Variants in ZNF649 observed in about 807,000 individuals in gnomAD.
The protein encoded by ZNF649 is zinc finger protein 649.
ZNF649 carries 7 observed loss-of-function variants against 14.1 expected under a neutral mutation model. The ratio of observed to expected loss-of-function variants is 0.49; its 90% CI spans 0.28 to 0.93. ZNF649 has a LOEUF of 0.93. ZNF649 is among the 40% of genes least tolerant of loss of function. The probability of loss-of-function intolerance (pLI) is 0.10; values close to 1 mark genes in which losing one functional copy is unlikely to be tolerated. For missense variants in ZNF649, 544 were observed against 608.1 expected (o/e 0.89, Z 1.11); for synonymous variants, 227 against 212.3 (o/e 1.07, Z -0.60).
intron 2 of ZNF649, among the ~76,000 whole-genome samples, chr19:51,898,492 T>G (rs1006630728): frequency 2.6e-5 from 4 of 151,944 alleles, no homozygotes; most frequent in African/African-American, 9.7e-5. Flanking sequence ...GTCCAAAGGG[T>G]GCCAAGCACA....
intron 1 of ZNF649, among the ~76,000 whole-genome samples, chr19:51,903,802 G>C (rs1024864312): frequency 1.3e-5 from 2 of 152,212 alleles, no homozygotes; most frequent in African/African-American, 4.8e-5. Context: ...CTGGACAACA[G>C]AGCTAGATTC....
rs1910528925 is a variant in ZNF649 at position 51,890,058 on chromosome 19, A to G, written c.*560T>C. ...GATAAATAAAGATATGAAAGATATA[A>G]CAGGGAAAAACCCATGTCAAATTAT... On this transcript the variant is annotated 3_prime_UTR_variant, in exon 5 of 5. Coordinates refer to ENST00000354957, the MANE Select transcript of ZNF649 (RefSeq NM_023074.4). The G allele has an allele frequency of 6.6e-6, 1 of 152,372 alleles. No homozygotes were observed. The highest frequency in any genetic ancestry group is 6.5e-5 in the Admixed American group (1 of 15,286). 9.4% of individuals were successfully genotyped at this position (152,372 alleles called of 1,614,324 possible).
rs771974949 is a variant in ZNF649, at chr19:51,900,112, TTC to T, written c.-7_-6del. ...AGTTACCTGGGCCTTTGTCATTTTC[TTC>T]TGTTTCAGGAAATACCCAAGAACTG... On this transcript the variant is annotated 5_prime_UTR_variant, in exon 2 of 5. Coordinates refer to ENST00000354957, the MANE Select transcript of ZNF649 (RefSeq NM_023074.4). 6.6e-7 allele frequency: 1 copy of T among 1,513,774 alleles called. No homozygotes were observed. Among genetic ancestry groups the T allele is most frequent in the Admixed American group, 2.0e-5 (1 of 49,398 alleles). 93.8% of individuals were successfully genotyped at this position (1,513,774 alleles called of 1,614,324 possible). A position where few individuals can be genotyped will look rare whatever the true frequency, so the allele number is the denominator to read the frequency against.
rs1475109742 is a variant in ZNF649 at position 51,900,262 on chromosome 19, A to G, written c.-155T>C. On this transcript the variant is annotated 5_prime_UTR_variant, in exon 2 of 5. The change abolishes an upstream ATG in the 5' untranslated region. Transcript: ENST00000354957. ...CATCCAGGAACCTCCTCCTTCCTTC[A>G]TTTGAACTCTCTTGCTTCTGGGGAG... 12 of 559,788 alleles carry G rather than the reference A, an allele frequency of 2.1e-5. No homozygotes were observed. The allele number at this position is 559,788 out of a possible 1,614,324, so 34.7% of individuals were successfully genotyped here.
intron 2 of ZNF649, among the ~76,000 whole-genome samples, chr19:51,898,028 GCAGAGGTTGCAGTGA>G (rs2085073510): frequency 6.7e-6 from 1 of 149,514 alleles, no homozygotes; most frequent in Non-Finnish European, 1.5e-5. Context: ...AACCCAGGAT[GCAGAGGTTGCAGTGA>G]GCGAAGATCA....
chr19:51,894,164 G>A (rs1197853378), intron 4 of ZNF649, among the ~76,000 whole-genome samples: 5 of 149,920 alleles, frequency 3.3e-5, no homozygotes, highest in Admixed American at 3.3e-4. Context: ...ATGGAGTCTT[G>A]CTCTGTCACC....
Position 51,901,800 on chromosome 19 carries a change from A to C in ZNF649, c.-187-1506T>G, listed in dbSNP as rs184394163. Among the ~76,000 whole-genome samples, 3 of 152,078 alleles carry C rather than the reference A, an allele frequency of 2.0e-5. No individual in the cohort carries two copies. In the East Asian group the frequency reaches 5.8e-4, roughly 29 times the overall value. ...TCTATAAAACATACAAAAATTATTC[A>C]AGCATGGTGGCACATGCCTGTATTC... On this transcript the variant is annotated intron_variant, in intron 1 of 4. Transcript: ENST00000354957.
chr19:51,903,500 G>A (rs1007102011), intron 1 of ZNF649, among the ~76,000 whole-genome samples: 1 of 152,134 alleles, frequency 6.6e-6, no homozygotes, highest in African/African-American at 2.4e-5. Flanking sequence ...ACAGGACAAA[G>A]ATCGATTATA....
intron 1 of ZNF649, among the ~76,000 whole-genome samples, chr19:51,900,947 G>T (rs900218570): frequency 2.0e-5 from 3 of 152,150 alleles, no homozygotes; most frequent in African/African-American, 7.2e-5. Flanking sequence ...TATATTCATG[G>T]CAACCACTTA....
At chr19:51,901,660 T>TA (rs60007447) in intron 1 of ZNF649, among the ~76,000 whole-genome samples, 6,853 of 149,940 alleles carry the variant, frequency 0.046, 524 homozygotes, top group African/African-American at 0.16. Flanking sequence ...AATAAAAAAA[T>TA]AAAAAAAAAT....
At chr19:51,898,561 G>A (rs904858366) in intron 2 of ZNF649, among the ~76,000 whole-genome samples, 3 of 152,028 alleles carry the variant, frequency 2.0e-5, no homozygotes, top group African/African-American at 4.8e-5. Flanking sequence ...ACTTCCACAT[G>A]TGATCTCCAA....
intron 4 of ZNF649, among the ~76,000 whole-genome samples, chr19:51,894,176 AG>A (rs2122761311): frequency 6.6e-6 from 1 of 151,464 alleles, no homozygotes; most frequent in Non-Finnish European, 1.5e-5. Flanking sequence ...TCTGTCACCC[AG>A]GCTGGAGTAC....
In ZNF649 at chr19:51,891,248, C is replaced by G. The variant is rs1321886239; in HGVS notation, c.888G>C (p.Gly296=). The change falls in exon 5 of 5, where the codon GGG becomes GGC. Residue 296 remains glycine, a synonymous_variant. Coordinates refer to ENST00000354957, the MANE Select transcript of ZNF649 (RefSeq NM_023074.4). The surrounding 1 kb of genome is among the most constrained non-coding windows in gnomAD (Gnocchi z 4.2). The stretch of plus-strand genomic sequence containing the variant: ...GTAGTGATTTTCTGGAGAAAGCTCT[C>G]CCACATTCGCTGCATTGATGGGGCT... ...GIKPHQCSEC[G]RAFSRKSLLV... The G allele has an allele frequency of 1.4e-5, 23 of 1,614,112 alleles. No homozygotes were observed. The highest frequency in any genetic ancestry group is 1.9e-5 in the Non-Finnish European group (23 of 1,180,048).
intron 2 of ZNF649, among the ~76,000 whole-genome samples, chr19:51,898,504 G>A (rs1206198027): frequency 6.6e-6 from 1 of 152,146 alleles, no homozygotes; most frequent in Non-Finnish European, 1.5e-5. Flanking sequence ...CCAAGCACAG[G>A]AGCCTCTGAT....
In ZNF649 at chr19:51,891,019, G is replaced by C; in HGVS notation, c.1117C>G (p.Pro373Ala). 6.2e-7 allele frequency: 1 copy of C among 1,614,166 alleles called. No individual in the cohort carries two copies. Among genetic ancestry groups the C allele is most frequent in the Non-Finnish European group, 8.5e-7 (1 of 1,180,030 alleles). ...TGCCCACATTCAGGACATACAAAGG[G>C]AGTCTTTCCTGTATGATATCTCTGA... ...AHQRYHTGKTPFVCPECGQPC... is the reference protein window; with the variant it reads ...AHQRYHTGKTAFVCPECGQPC... Residue 373 changes from proline to alanine, a missense_variant, in exon 5 of 5, where the codon CCC becomes GCC. By Grantham distance (27) the Pro-to-Ala change is conservative. Coordinates refer to ENST00000354957, the MANE Select transcript of ZNF649 (RefSeq NM_023074.4). This position sits in a 1 kb window ranked among gnomAD's most constrained non-coding sequence, Gnocchi z 4.2.
chr19:51,889,753 G>A lies in ZNF649; in HGVS notation c.*865C>T, dbSNP rs1415935901. 1 of 152,118 alleles carries A rather than the reference G, an allele frequency of 6.6e-6. No individual in the cohort carries two copies. Among genetic ancestry groups the A allele is most frequent in the Non-Finnish European group, 1.5e-5 (1 of 68,038 alleles). The allele number at this position is 152,118 out of a possible 1,614,324, so 9.4% of individuals were successfully genotyped here. A position where few individuals can be genotyped will look rare whatever the true frequency, so the allele number is the denominator to read the frequency against. ...AATGACAAGGATTTACAGTTAATAAGCCAACAAAGGAGACAATATGTAATA... is the reference window on the plus strand; with the variant it reads ...AATGACAAGGATTTACAGTTAATAAACCAACAAAGGAGACAATATGTAATA... On this transcript the variant is annotated 3_prime_UTR_variant, in exon 5 of 5. Coordinates refer to ENST00000354957, the MANE Select transcript of ZNF649 (RefSeq NM_023074.4).
intron 2 of ZNF649, among the ~76,000 whole-genome samples, chr19:51,897,864 G>A (rs913656490): frequency 1.3e-5 from 2 of 152,130 alleles, no homozygotes; most frequent in African/African-American, 4.8e-5. Flanking sequence ...TCTCACGCCT[G>A]TAAACCCAGC....
chr19:51,902,361 C>T (rs967220015), intron 1 of ZNF649, among the ~76,000 whole-genome samples: 3 of 152,200 alleles, frequency 2.0e-5, no homozygotes, highest in Admixed American at 6.5e-5. Context: ...CAACTTCAGA[C>T]GCAAGTTGCA....
intron 4 of ZNF649, among the ~76,000 whole-genome samples, chr19:51,894,389 C>G (rs915798600): frequency 1.3e-5 from 2 of 152,210 alleles, no homozygotes; most frequent in Non-Finnish European, 2.9e-5. Flanking sequence ...CCAACTCGGC[C>G]TCCCAAAGTG....
Sources: gnomAD v4.1 joint callset for allele counts (sites outside exome capture counted in the v4.1 genomes callset) on GRCh38, gnomAD v4.1.1 for gene constraint, Gnocchi (gnomAD v3.1) non-coding constraint, MANE v1.5 for transcripts, NCBI Gene and HGNC (gene_info 2026-07-23, HGNC 2026-07-21) for gene names.